The following PLXNC1 variants were observed in gnomAD, a reference collection of about 807,000 sequenced individuals.
PLXNC1 encodes the protein plexin-C1.
Under a neutral mutation model 178.2 loss-of-function variants are expected in PLXNC1, and 75 were observed. The observed-to-expected ratio is 0.42, with a 90% CI of 0.35 to 0.51. PLXNC1 has a LOEUF of 0.51. PLXNC1 is among the 20% of genes least tolerant of loss of function. The pLI is 0.02. For missense variants in PLXNC1, 1,503 were observed against 1,984.4 expected (o/e 0.76, Z 4.61); for synonymous variants, 790 against 779.9 (o/e 1.01, Z -0.22).
rs201178453 is a variant in PLXNC1, at chr12:94,248,083, A to G, written c.2569A>G (p.Thr857Ala). The G allele has an allele frequency of 1.4e-5, 22 of 1,614,134 alleles. No individual in the cohort carries two copies. The African/African-American group carries it at 1.9e-4, about 14-fold the overall frequency. The change falls in exon 13 of 31, where the codon ACA (threonine) becomes GCA (alanine). Residue 857 changes from threonine to alanine, a missense_variant. Coordinates refer to ENST00000258526, the MANE Select transcript of PLXNC1 (RefSeq NM_005761.3). ...TGYRVESEVD[T>A]ELEVKIQKEN... ...GTATCGGGTGGAATCCGAGGTGGAC[A>G]CAGAACTGGAAGTGAAAATTCAAGT...
At chr12:94,157,086 C>T (rs541847581) in intron 1 of PLXNC1, among the ~76,000 whole-genome samples, 2 of 152,272 alleles carry the variant, frequency 1.3e-5, no homozygotes, top group African/African-American at 2.4e-5. Context: ...TCCAAGTTGC[C>T]AGGAGAGAGA....
intron 4 of PLXNC1, among the ~76,000 whole-genome samples, chr12:94,198,580 C>G (rs1963007199): frequency 6.6e-6 from 1 of 152,176 alleles, no homozygotes; most frequent in South Asian, 2.1e-4. Context: ...GCTGCCATAA[C>G]AAATTACTAC....
chr12:94,213,873 T>G (rs10859686), intron 5 of PLXNC1, among the ~76,000 whole-genome samples: 52,468 of 150,464 alleles, frequency 0.35, 10,967 homozygotes, highest in East Asian at 0.57. Flanking sequence ...TCTACATTTT[T>G]TTTTTTTTTT....
chr12:94,191,387 T>C (rs1238540151), intron 4 of PLXNC1, among the ~76,000 whole-genome samples: 1 of 152,258 alleles, frequency 6.6e-6, no homozygotes, highest in Non-Finnish European at 1.5e-5. Flanking sequence ...TAATTTATTT[T>C]CTCTGTTGAG....
At chr12:94,301,084 T>A in intron 28 of PLXNC1, 27 bp downstream of exon 28, 3 of 1,606,384 alleles carry the variant, frequency 1.9e-6, no homozygotes, top group Non-Finnish European at 2.6e-6. Flanking sequence ...GTATTTCTTG[T>A]ATGCAGTCTT....
chr12:94,224,401 T>C (rs1963883309), intron 7 of PLXNC1, 86 bp downstream of exon 7: 1 of 835,286 alleles, frequency 1.2e-6, no homozygotes, highest in Non-Finnish European at 2.1e-6. Context: ...AAAGAACTCT[T>C]TTGTGAGACA....
chr12:94,213,871 T>TTC (rs941622734), intron 5 of PLXNC1, among the ~76,000 whole-genome samples: 2 of 151,078 alleles, frequency 1.3e-5, no homozygotes, highest in African/African-American at 4.9e-5. Context: ...TTTCTACATT[T>TTC]TTTTTTTTTT....
intron 9 of PLXNC1, among the ~76,000 whole-genome samples, chr12:94,236,573 A>G (rs184144135): frequency 6.6e-6 from 1 of 152,326 alleles, no homozygotes; most frequent in East Asian, 1.9e-4. Flanking sequence ...ACCAAACGTC[A>G]TGTGATTAAG....
At chr12:94,303,556 C>T (rs1397864250) in intron 28 of PLXNC1, among the ~76,000 whole-genome samples, 200 bp from the exon 29 acceptor site, 1 of 152,098 alleles carries the variant, frequency 6.6e-6, no homozygotes, top group Non-Finnish European at 1.5e-5. Context: ...AACAGTGACT[C>T]ACCAGAACTA....
chr12:94,266,953 G>T (rs1351917809), intron 21 of PLXNC1, among the ~76,000 whole-genome samples: 2 of 152,202 alleles, frequency 1.3e-5, no homozygotes, highest in African/African-American at 4.8e-5. Context: ...GAGCCCAGGC[G>T]TGGATGTATT....
intron 23 of PLXNC1, among the ~76,000 whole-genome samples, chr12:94,287,041 C>A (rs985623097): frequency 1.3e-5 from 2 of 152,172 alleles, no homozygotes; most frequent in Non-Finnish European, 2.9e-5. Context: ...ATGACAATAA[C>A]CATGGCAGCC....
rs550160521 is a variant in PLXNC1, at chr12:94,209,757, C to T, written c.1554+53C>T. On this transcript the variant is annotated intron_variant, in intron 5 of 30. Coordinates refer to ENST00000258526, the MANE Select transcript of PLXNC1 (RefSeq NM_005761.3). ...CGTTGTATTGTCTCATTTTGCACAG[C>T]GGATGCTAAATTTCTTCTGTGTGTA... The T allele has an allele frequency of 7.7e-5, 83 of 1,075,806 alleles. No individual in the cohort carries two copies. The Admixed American group carries it at 1.0e-3, about 13-fold the overall frequency. 66.6% of individuals were successfully genotyped at this position (1,075,806 alleles called of 1,614,324 possible).
At chr12:94,174,947 G>C (rs1466804307) in intron 2 of PLXNC1, among the ~76,000 whole-genome samples, 1 of 152,158 alleles carries the variant, frequency 6.6e-6, no homozygotes, top group African/African-American at 2.4e-5. Context: ...TAGAACCTGT[G>C]GTTCAGACTG....
At chr12:94,233,615 G>T (rs1185660426) in intron 9 of PLXNC1, among the ~76,000 whole-genome samples, 4 of 152,126 alleles carry the variant, frequency 2.6e-5, no homozygotes, top group African/African-American at 9.7e-5. Context: ...GCTCACTATT[G>T]GCATTTCCAG....
At chr12:94,242,656 A>C (rs1476392091) in intron 11 of PLXNC1, among the ~76,000 whole-genome samples, 1 of 152,142 alleles carries the variant, frequency 6.6e-6, no homozygotes, top group Admixed American at 6.5e-5. Flanking sequence ...AGGAGAACTG[A>C]AATTTCAAAA....
intron 12 of PLXNC1, 27 bp from the exon 13 acceptor site, chr12:94,247,876 C>T: frequency 6.2e-7 from 1 of 1,605,594 alleles, no homozygotes; most frequent in Non-Finnish European, 8.5e-7. Context: ...AACAAAGTTA[C>T]TAAAACATTC....
chr12:94,248,560 A>T, intron 14 of PLXNC1, 148 bp downstream of exon 14: 1 of 664,282 alleles, frequency 1.5e-6, no homozygotes, highest in Admixed American at 3.1e-5. Flanking sequence ...TGCGAGCCCA[A>T]GCAAAATAGC....
rs770226628 is a variant in PLXNC1 at position 94,167,790 on chromosome 12, G to A, written c.1063-1363G>A. On this transcript the variant is annotated intron_variant, in intron 1 of 30. Coordinates refer to ENST00000258526, the MANE Select transcript of PLXNC1 (RefSeq NM_005761.3). ...AGCTTTCCCTAAATCTTCTTAAACC[G>A]AGTTCACTATAGAATATTTTATGCA... 3.3e-5 allele frequency among the ~76,000 whole-genome samples: 5 copies of A among 152,228 alleles called. 1 individual carries two copies. Among genetic ancestry groups the A allele is most frequent in the African/African-American group, 7.2e-5 (3 of 41,546 alleles).
chr12:94,301,952 T>C (rs1006004603), intron 28 of PLXNC1, among the ~76,000 whole-genome samples: 6 of 152,120 alleles, frequency 3.9e-5, no homozygotes, highest in African/African-American at 1.4e-4. Flanking sequence ...CCCTCCTCCT[T>C]CCTTAGCCTT....
Sources: allele counts gnomAD v4.1 joint callset (sites outside exome capture counted in the v4.1 genomes callset), GRCh38; gene constraint gnomAD v4.1.1; transcripts MANE v1.5; gene names NCBI Gene and HGNC (gene_info 2026-07-23, HGNC 2026-07-21).